FMNL2: variants seen among roughly 807,000 people sequenced by gnomAD.
FMNL2 encodes formin-like protein 2.
Under a neutral mutation model 130.2 loss-of-function variants are expected in FMNL2, and 51 were observed. The ratio of observed to expected loss-of-function variants is 0.39; its 90% CI spans 0.31 to 0.49. FMNL2 has a LOEUF of 0.49. Ranked by LOEUF, FMNL2 falls within the 20% of genes least tolerant of loss-of-function variation. FMNL2 has a pLI of 0.85. For missense variants in FMNL2, 977 were observed against 1,316.2 expected (o/e 0.74, Z 3.99); for synonymous variants, 465 against 467.1 (o/e 1.00, Z 0.06).
intron 1 of FMNL2, among the ~76,000 whole-genome samples, chr2:152,504,678 A>C (rs1354884352): frequency 6.6e-6 from 1 of 152,168 alleles, no homozygotes; most frequent in East Asian, 1.9e-4. Flanking sequence ...GTAAGCTTCT[A>C]TCTCTTATGC....
chr2:152,497,619 T>TA (rs1489357583), intron 1 of FMNL2, among the ~76,000 whole-genome samples: 1 of 152,202 alleles, frequency 6.6e-6, no homozygotes, highest in Non-Finnish European at 1.5e-5. Flanking sequence ...TGTATATATA[T>TA]TTTTTACACA....
intron 1 of FMNL2, among the ~76,000 whole-genome samples, chr2:152,501,230 A>AGT (rs1691815149): frequency 6.6e-6 from 1 of 152,120 alleles, no homozygotes. Flanking sequence ...GTATTTAAGG[A>AGT]TTATCTCTTT....
At chr2:152,441,785 A>T (rs1237458559) in intron 1 of FMNL2, among the ~76,000 whole-genome samples, 2 of 148,478 alleles carry the variant, frequency 1.3e-5, no homozygotes, top group Admixed American at 1.3e-4. Flanking sequence ...CAGTGAGCTA[A>T]GATCATGCCA....
chr2:152,440,818 T>C (rs1335077962), intron 1 of FMNL2, among the ~76,000 whole-genome samples: 2 of 152,218 alleles, frequency 1.3e-5, no homozygotes, highest in African/African-American at 2.4e-5. Flanking sequence ...GGGAGGACTT[T>C]TGTGGGAATG....
chr2:152,600,377 G>A (rs1697987003), intron 9 of FMNL2, among the ~76,000 whole-genome samples: 1 of 152,188 alleles, frequency 6.6e-6, no homozygotes, highest in East Asian at 1.9e-4. Context: ...ATATTTTATA[G>A]CCATCTCATA....
At chr2:152,543,536 C>T (rs988336217) in intron 3 of FMNL2, among the ~76,000 whole-genome samples, 1 of 152,072 alleles carries the variant, frequency 6.6e-6, no homozygotes, top group Non-Finnish European at 1.5e-5. Context: ...CCTACAACTC[C>T]TGCTTTTAAG....
chr2:152,626,198 G>A (rs544026549), intron 16 of FMNL2, among the ~76,000 whole-genome samples: 1 of 152,168 alleles, frequency 6.6e-6, no homozygotes, highest in East Asian at 1.9e-4. Flanking sequence ...TACCATGTCT[G>A]GCTATTCTTT....
At chr2:152,382,549 C>T (rs1684532802) in intron 1 of FMNL2, among the ~76,000 whole-genome samples, 1 of 152,082 alleles carries the variant, frequency 6.6e-6, no homozygotes, top group Non-Finnish European at 1.5e-5. Context: ...GCTAAAGAGT[C>T]ACTTTTGGCT....
At chr2:152,557,631 T>G (rs1579956795) in intron 4 of FMNL2, among the ~76,000 whole-genome samples, 2 of 152,326 alleles carry the variant, frequency 1.3e-5, no homozygotes, top group East Asian at 1.9e-4. Context: ...TCCATGGGAT[T>G]GTTTTCTGCC....
At chr2:152,373,578 C>T (rs1269959015) in intron 1 of FMNL2, among the ~76,000 whole-genome samples, 2 of 152,148 alleles carry the variant, frequency 1.3e-5, no homozygotes, top group Non-Finnish European at 2.9e-5. Context: ...CATGCACATC[C>T]GCCCTTATAC....
chr2:152,431,596 C>G (rs1031491019), intron 1 of FMNL2, among the ~76,000 whole-genome samples: 1 of 152,064 alleles, frequency 6.6e-6, no homozygotes, highest in Admixed American at 6.6e-5. Flanking sequence ...TTAAAGTGCC[C>G]TAATTTGTGT....
chr2:152,646,803 A>C (rs1326967086), intron 25 of FMNL2, among the ~76,000 whole-genome samples: 2 of 152,264 alleles, frequency 1.3e-5, no homozygotes, highest in Admixed American at 6.5e-5. Context: ...AAACAGGAAA[A>C]GTATAAAGCC....
intron 1 of FMNL2, among the ~76,000 whole-genome samples, chr2:152,519,017 T>C (rs1293223617): frequency 6.6e-6 from 1 of 152,186 alleles, no homozygotes; most frequent in Non-Finnish European, 1.5e-5. Flanking sequence ...ATTCCTTCTC[T>C]TTTACTTTCT....
At chr2:152,610,993 T>C (rs1183872874) in intron 10 of FMNL2, among the ~76,000 whole-genome samples, 1 of 152,204 alleles carries the variant, frequency 6.6e-6, no homozygotes, top group African/African-American at 2.4e-5. Flanking sequence ...GGGTGCGAAG[T>C]GGTGTCTTAT....
intron 11 of FMNL2, among the ~76,000 whole-genome samples, chr2:152,614,226 T>C (rs1311222435): frequency 6.6e-6 from 1 of 152,234 alleles, no homozygotes; most frequent in Non-Finnish European, 1.5e-5. Flanking sequence ...AAAGCTGCTT[T>C]TAATTTTTCT....
chr2:152,556,418 T>A (rs1259411423), intron 4 of FMNL2, among the ~76,000 whole-genome samples: 1 of 152,180 alleles, frequency 6.6e-6, no homozygotes, highest in Non-Finnish European at 1.5e-5. Context: ...GGCAGCAGGC[T>A]GTTACCTTTT....
chr2:152,386,763 G>C (rs1227435038), intron 1 of FMNL2, among the ~76,000 whole-genome samples: 1 of 152,132 alleles, frequency 6.6e-6, no homozygotes, highest in Non-Finnish European at 1.5e-5. Context: ...AGTCATCACT[G>C]TCTTTTGGCA....
Position 152,347,470 on chromosome 2 carries a change from T to C in FMNL2, c.117+11750T>C, listed in dbSNP as rs546501205. Among the ~76,000 whole-genome samples the C allele has an allele frequency of 3.3e-5, 5 of 152,328 alleles. No homozygotes were observed. In the South Asian group the frequency reaches 1.0e-3, roughly 32 times the overall value. On this transcript the variant is annotated intron_variant, in intron 1 of 25. Coordinates refer to ENST00000288670, the MANE Select transcript of FMNL2 (RefSeq NM_052905.4). Reference sequence around the variant, plus strand: ...GGTATTTTTGTTTGTGTGTATAGTATCCCTGCTTTTCATAATACTGAGAAG... The same window carrying C: ...GGTATTTTTGTTTGTGTGTATAGTACCCCTGCTTTTCATAATACTGAGAAG...
At chr2:152,614,747 C>CAA (rs1053284960) in intron 11 of FMNL2, 104 bp from the exon 12 acceptor site, 1 of 1,298,356 alleles carries the variant, frequency 7.7e-7, no homozygotes, top group African/African-American at 1.5e-5. Flanking sequence ...CATCTCAAAA[C>CAA]AAAACAAAAC....
Sources: gnomAD v4.1 joint callset for allele counts (sites outside exome capture counted in the v4.1 genomes callset) on GRCh38, gnomAD v4.1.1 for gene constraint, MANE v1.5 for transcripts, NCBI Gene and HGNC (gene_info 2026-07-23, HGNC 2026-07-21) for gene names.